PIGS: variants seen among roughly 807,000 people sequenced by gnomAD.
PIGS encodes GPI-anchor transamidase component PIGS.
A neutral mutation model predicts 58.2 loss-of-function variants in PIGS; 37 were observed. The ratio of observed to expected loss-of-function variants is 0.64; its 90% CI spans 0.49 to 0.84. PIGS has a LOEUF of 0.84. Ranked by LOEUF, PIGS falls within the 40% of genes least tolerant of loss-of-function variation. The probability of loss-of-function intolerance (pLI) is 0.00; values close to 1 mark genes in which losing one functional copy is unlikely to be tolerated. For synonymous variants in PIGS, 269 were observed against 289.2 expected (o/e 0.93, Z 0.71); for missense variants, 629 against 710.8 (o/e 0.88, Z 1.31).
chr17:28,571,028 C>A, intron 2 of PIGS, 21 bp downstream of exon 2: 1 of 1,614,136 alleles, frequency 6.2e-7, no homozygotes, highest in Non-Finnish European at 8.5e-7. Context: ...GTCCCCCGAC[C>A]CTCCCGCACA....
rs199506264 is a variant in PIGS at position 28,560,774 on chromosome 17, C to CA, written c.677-584dup. On this transcript the variant is annotated intron_variant, in intron 6 of 11. Coordinates refer to ENST00000308360, the MANE Select transcript of PIGS (RefSeq NM_033198.4). Reference sequence around the variant, plus strand: ...GCCTGGACGACAGGAGGCTCCGTCTCAAAAAAAAATAAAATAAAAATAAAA... The same window carrying CA: ...GCCTGGACGACAGGAGGCTCCGTCTCAAAAAAAAAATAAAATAAAAATAAAA... Among the ~76,000 whole-genome samples, 138 of 148,144 alleles carry CA rather than the reference C, an allele frequency of 9.3e-4. 3 individuals carry two copies. In the East Asian group the frequency reaches 0.017, roughly 18 times the overall value.
chr17:28,561,392 C>A, intron 6 of PIGS, 30 bp downstream of exon 6: 14 of 1,609,804 alleles, frequency 8.7e-6, no homozygotes, highest in Non-Finnish European at 1.2e-5. Flanking sequence ...CATTTCCTCT[C>A]CCTTCATGTG....
chr17:28,557,459 A>C, intron 8 of PIGS: 2 of 164,954 alleles, frequency 1.2e-5, no homozygotes, highest in Non-Finnish European at 2.6e-5. Context: ...ACACTAAACT[A>C]CTCTGAGCTT....
chr17:28,554,374 G>A lies in PIGS; in HGVS notation c.1514C>T (p.Pro505Leu), dbSNP rs780590812. 11 of 1,614,044 alleles carry A rather than the reference G, an allele frequency of 6.8e-6. No individual in the cohort carries two copies. The highest frequency in any genetic ancestry group is 4.4e-5 in the South Asian group (4 of 91,090). Residue 505 changes from proline (P) to leucine (L), a missense_variant, in exon 12 of 12, where the codon CCG becomes CTG. By Grantham distance (98) the Pro-to-Leu change is moderately conservative. Transcript: ENST00000308360. ...VTSSELAFFD[P>L]SLLHLLYFPD... ...GAAATAAAGGAGGTGGAGGAGTGAC[G>A]GGTCAAAGAAGGCAAGCTCAGAGGA...
chr17:28,560,396 C>T, intron 6 of PIGS: 1 of 561,788 alleles, frequency 1.8e-6, no homozygotes, highest in East Asian at 3.3e-5. Flanking sequence ...GTAATCCCAG[C>T]ACTTTGGGAG....
rs771947614 is a variant in PIGS, at chr17:28,554,961, A to C, written c.1282T>G (p.Trp428Gly). The C allele has an allele frequency of 1.2e-6, 2 of 1,612,510 alleles. No homozygotes were observed. Among genetic ancestry groups the C allele is most frequent in the Non-Finnish European group, 1.7e-6 (2 of 1,179,104 alleles). The change falls in exon 11 of 12, where the codon TGG becomes GGG. Residue 428 changes from tryptophan (W) to glycine (G), a missense_variant. Transcript: ENST00000308360. Reference sequence around the variant, plus strand: ...GCCAGGTTCTCCACTGACCGAGCCCAGAGCAGCCGGTCTAGCTCCCAGGTC... The same window carrying C: ...GCCAGGTTCTCCACTGACCGAGCCCCGAGCAGCCGGTCTAGCTCCCAGGTC... ...LMTWELDRLL[W>G]ARSVENLATA...
chr17:28,570,524 T>G (rs138997289), intron 3 of PIGS, among the ~76,000 whole-genome samples: 3 of 152,224 alleles, frequency 2.0e-5, no homozygotes, highest in Non-Finnish European at 4.4e-5. Context: ...ATATAATAAA[T>G]AAATAAACAA....
chr17:28,561,748 C>G (rs1304950401), intron 5 of PIGS, 119 bp from the exon 6 acceptor site: 1 of 939,126 alleles, frequency 1.1e-6, no homozygotes, highest in African/African-American at 1.7e-5. Flanking sequence ...TTGCACCTCT[C>G]TTGAGATTCA....
Position 28,554,917 on chromosome 17 carries a change from A to G in PIGS, c.1326T>C (p.Leu442=). The part of the protein sequence containing the change: ...VENLATATTT[L]TSLAQLLGKI... ...TGCCCAGAAGCTGCGCCAGGGAGGT[A>G]AGGGTGGTGGTGGCTGTGGCCAGGT... The change falls in exon 11 of 12, where the codon CTT becomes CTC. Residue 442 remains leucine (L), a synonymous_variant. Coordinates refer to ENST00000308360, the MANE Select transcript of PIGS (RefSeq NM_033198.4). 6.2e-7 allele frequency: 1 copy of G among 1,614,062 alleles called. No individual in the cohort carries two copies. The highest frequency in any genetic ancestry group is 1.1e-5 in the South Asian group (1 of 91,074).
chr17:28,571,475 C>A lies in PIGS; in HGVS notation c.22G>T (p.Ala8Ser), dbSNP rs763312792. Reference protein sequence around the residue: MAAAGAAATHLEVARGKR... With the variant: MAAAGAASTHLEVARGKR... Reference sequence around the variant, plus strand: ...AAGCCCACCGCACCTAGGTGTGTAGCCGCAGCCCCGGCGGCCGCCATGCTA... The same window carrying A: ...AAGCCCACCGCACCTAGGTGTGTAGACGCAGCCCCGGCGGCCGCCATGCTA... Residue 8 changes from alanine to serine, a missense_variant, in exon 1 of 12, where the codon GCT becomes TCT. Ala to Ser is a moderately conservative substitution (Grantham distance 99). Transcript: ENST00000308360. 1.2e-6 allele frequency: 2 copies of A among 1,609,320 alleles called. No homozygotes were observed. The highest frequency in any genetic ancestry group is 2.2e-5 in the East Asian group (1 of 44,710).
chr17:28,555,292 A>G, intron 10 of PIGS: 1 of 509,992 alleles, frequency 2.0e-6, no homozygotes, highest in Non-Finnish European at 3.4e-6. Flanking sequence ...TCTACATTAG[A>G]TTTCCAAGAT....
At position 28,570,926 on chromosome 17, in the gene PIGS, C is replaced by A. The variant is rs868472249; in HGVS notation, c.212G>T (p.Arg71Leu). 2 of 1,614,176 alleles carry A rather than the reference C, an allele frequency of 1.2e-6. No homozygotes were observed. The highest frequency in any genetic ancestry group is 1.7e-5 in the Admixed American group (1 of 60,028). The change falls in exon 3 of 12, where the codon CGG becomes CTG. Residue 71 changes from arginine to leucine, a missense_variant. Physicochemically the swap from Arg to Leu is moderately radical, Grantham distance 102 (BLOSUM62 -2). Transcript: ENST00000308360. ...LMVPVTVVFT[R>L]ESVPLDDQEK... is the part of the protein sequence containing the mutation. Reference sequence around the variant, plus strand: ...CTGGTCGTCCAGGGGCACTGACTCCCGCGTAAACACGACAGTGACAGGCAC... The same window carrying A: ...CTGGTCGTCCAGGGGCACTGACTCCAGCGTAAACACGACAGTGACAGGCAC...
At chr17:28,565,221 C>T (rs1193385183) in intron 3 of PIGS, among the ~76,000 whole-genome samples, 2 of 152,040 alleles carry the variant, frequency 1.3e-5, no homozygotes, top group African/African-American at 2.4e-5. Flanking sequence ...CCAGCAATAT[C>T]CAATTAGAAA....
Position 28,558,540 on chromosome 17 carries a change from G to A in PIGS, c.870C>T (p.Ser290=), listed in dbSNP as rs2070344370. The change falls in exon 8 of 12, where the codon TCC becomes TCT. Residue 290 remains serine (S), a synonymous_variant. Coordinates refer to ENST00000308360, the MANE Select transcript of PIGS (RefSeq NM_033198.4). ...TGTGCATGTCCAAATAGTAGCTGGA[G>A]GAAGCTGAGTCAAAGCGGGGATTCA... The part of the protein sequence containing the change: ...LGVNPRFDSA[S]SSYYLDMHSL... 6.2e-7 allele frequency: 1 copy of A among 1,613,212 alleles called. No homozygotes were observed. Among genetic ancestry groups the A allele is most frequent in the Non-Finnish European group, 8.5e-7 (1 of 1,179,754 alleles).
In PIGS at chr17:28,571,115, C is replaced by G; in HGVS notation, c.108G>C (p.Trp36Cys). The change falls in exon 2 of 12, where the codon TGG becomes TGC. Residue 36 changes from tryptophan to cysteine, a missense_variant. By Grantham distance (215) the Trp-to-Cys change is radical (BLOSUM62 -2). Coordinates refer to ENST00000308360, the MANE Select transcript of PIGS (RefSeq NM_033198.4). ...AGGCCCGGTAGGTCTCCGTGGTCTT[C>G]CACCAGAGCGGTAGCCCCAGCACGA... ...VAIVLGLPLWWKTTETYRASL... is the reference protein window; with the variant it reads ...VAIVLGLPLWCKTTETYRASL... The G allele has an allele frequency of 6.2e-7, 1 of 1,614,052 alleles. No homozygotes were observed.
In PIGS at chr17:28,563,435, G is replaced by A. The variant is rs1425940959; in HGVS notation, c.464C>T (p.Pro155Leu). 2.5e-6 allele frequency: 4 copies of A among 1,613,842 alleles called. No homozygotes were observed. The highest frequency in any genetic ancestry group is 2.2e-5 in the East Asian group (1 of 44,874). ...YVISEHSSLL[P>L]QDMMSYIGPK... Reference sequence around the variant, plus strand: ...GCAGCCTCTCTGTTACCTTACCTGGGGAAGAAGTGAGGAGTGTTCAGATAT... The same window carrying A: ...GCAGCCTCTCTGTTACCTTACCTGGAGAAGAAGTGAGGAGTGTTCAGATAT... Residue 155 changes from proline to leucine, a missense_variant, in exon 5 of 12, where the codon CCC (proline) becomes CTC (leucine). Transcript: ENST00000308360.
At position 28,563,642 on chromosome 17, in the gene PIGS, G is replaced by A. The variant is rs1051223949; in HGVS notation, c.377-120C>T. ...CAGCTGACACAGTGGTCAGGCTTGG[G>A]TAAGCCAATCAACCTCTCTGGCCCT... On this transcript the variant is annotated intron_variant, in intron 4 of 11. Transcript: ENST00000308360. 10 of 1,215,880 alleles carry A rather than the reference G, an allele frequency of 8.2e-6. No homozygotes were observed. In the Admixed American group the frequency reaches 1.8e-4, roughly 22 times the overall value. 75.3% of individuals were successfully genotyped at this position (1,215,880 alleles called of 1,614,324 possible). A position where few individuals can be genotyped will look rare whatever the true frequency, so the allele number is the denominator to read the frequency against.
At position 28,566,669 on chromosome 17, in the gene PIGS, A is replaced by G. The variant is rs1435608626; in HGVS notation, c.287-2762T>C. ...AATGCAGTGGCACAATCTTGGCTCA[A>G]TGAAACCTCTGCCTCCTAGGTTCAA... On this transcript the variant is annotated intron_variant, in intron 3 of 11. Coordinates refer to ENST00000308360, the MANE Select transcript of PIGS (RefSeq NM_033198.4). 2.0e-5 allele frequency among the ~76,000 whole-genome samples: 3 copies of G among 149,804 alleles called. No individual in the cohort carries two copies. In the South Asian group the frequency reaches 6.3e-4, roughly 32 times the overall value.
At chr17:28,570,235 G>A (rs569183001) in intron 3 of PIGS, among the ~76,000 whole-genome samples, 1 of 152,360 alleles carries the variant, frequency 6.6e-6, no homozygotes, top group Non-Finnish European at 1.5e-5. Flanking sequence ...TAGGGGCTGG[G>A]CGCGGTGGCT....
Sources: gnomAD v4.1 joint callset for allele counts (sites outside exome capture counted in the v4.1 genomes callset) on GRCh38, gnomAD v4.1.1 for gene constraint, MANE v1.5 for transcripts, NCBI Gene and HGNC (gene_info 2026-07-23, HGNC 2026-07-21) for gene names.